SLC20A2: variants seen among roughly 807,000 people sequenced by gnomAD.
SLC20A2 encodes the protein solute carrier family 20 member 2.
Under a neutral mutation model 61.0 loss-of-function variants are expected in SLC20A2, and 30 were observed. The observed-to-expected ratio is 0.49, with a 90% CI of 0.37 to 0.67. The LOEUF is 0.67. Among genes scored for constraint, SLC20A2 ranks in the 30% least tolerant of loss-of-function variants. The pLI is 0.00. For missense variants in SLC20A2, 626 were observed against 866.4 expected (o/e 0.72, Z 3.48); for synonymous variants, 351 against 353.3 (o/e 0.99, Z 0.07).
chr8:42,524,088 C>T (rs1405888741), intron 1 of SLC20A2, among the ~76,000 whole-genome samples: 2 of 152,210 alleles, frequency 1.3e-5, no homozygotes, highest in Non-Finnish European at 1.5e-5. Flanking sequence ...CCAGGCCATT[C>T]TGCTGGTGGA....
At chr8:42,532,726 G>A (rs532753727) in intron 1 of SLC20A2, among the ~76,000 whole-genome samples, 2 of 152,298 alleles carry the variant, frequency 1.3e-5, no homozygotes, top group African/African-American at 2.4e-5. Context: ...ATGTGGAGAC[G>A]AGAAGGAACC....
intron 1 of SLC20A2, among the ~76,000 whole-genome samples, chr8:42,509,076 A>G (rs1425156376): frequency 1.3e-5 from 2 of 152,192 alleles, no homozygotes; most frequent in Non-Finnish European, 2.9e-5. Context: ...TGAGTTTTTC[A>G]TTTGTAAAGT....
At position 42,472,596 on chromosome 8, in the gene SLC20A2, A is replaced by T. The variant is rs930699147; in HGVS notation, c.-206T>A. The T allele has an allele frequency of 1.6e-5, 9 of 552,496 alleles. No homozygotes were observed. The highest frequency in any genetic ancestry group is 2.9e-5 in the Non-Finnish European group (9 of 311,182). 34.2% of individuals were successfully genotyped at this position (552,496 alleles called of 1,614,324 possible). ...ACAGTTCATTTGGTTGTGTTCAGTC[A>T]GCGGTAAAACACATTCCATATTTTT... On this transcript the variant is annotated 5_prime_UTR_variant, in exon 2 of 11. Transcript: ENST00000520262. This position sits in a 1 kb window ranked among gnomAD's most constrained non-coding sequence, Gnocchi z 4.1.
At chr8:42,491,197 A>G (rs922303830) in intron 1 of SLC20A2, among the ~76,000 whole-genome samples, 1 of 152,030 alleles carries the variant, frequency 6.6e-6, no homozygotes, top group Non-Finnish European at 1.5e-5. Flanking sequence ...GTCAGGAGTT[A>G]GAGACCAGCC....
At chr8:42,476,937 C>T (rs1044614474) in intron 1 of SLC20A2, among the ~76,000 whole-genome samples, 3 of 152,218 alleles carry the variant, frequency 2.0e-5, no homozygotes, top group Non-Finnish European at 4.4e-5. Flanking sequence ...CAATGACTCA[C>T]CTGAACCGTG....
At chr8:42,504,544 C>T (rs1393351526), upstream of SLC20A2, among the ~76,000 whole-genome samples, 1 of 151,890 alleles carries the variant, frequency 6.6e-6, no homozygotes, top group African/African-American at 2.4e-5. Context: ...GTTATAAAAT[C>T]ATATAATAAA....
intron 1 of SLC20A2, among the ~76,000 whole-genome samples, chr8:42,478,500 C>A (rs184118815): frequency 6.6e-6 from 1 of 152,242 alleles, no homozygotes; most frequent in African/African-American, 2.4e-5. Context: ...CATGAGCCAC[C>A]GTGCCCAGCC....
intron 1 of SLC20A2, among the ~76,000 whole-genome samples, chr8:42,491,401 A>C (rs927488284): frequency 6.6e-6 from 1 of 152,030 alleles, no homozygotes; most frequent in Non-Finnish European, 1.5e-5. Context: ...GCTACTCAAG[A>C]GGCTAAGGCA....
intron 3 of SLC20A2, 183 bp from the exon 4 acceptor site, chr8:42,463,273 A>G (rs1806854683): frequency 2.1e-6 from 1 of 478,452 alleles, no homozygotes; most frequent in Non-Finnish European, 3.7e-6. Flanking sequence ...TCACACATTT[A>G]TGGCCACACT....
At chr8:42,440,745 T>C (rs1804708397) in intron 6 of SLC20A2, among the ~76,000 whole-genome samples, 1 of 152,236 alleles carries the variant, frequency 6.6e-6, no homozygotes, top group Non-Finnish European at 1.5e-5. Flanking sequence ...TTCCAGTTCC[T>C]CTTCATTCTT....
intron 1 of SLC20A2, among the ~76,000 whole-genome samples, chr8:42,487,503 T>C (rs1410722887): frequency 6.6e-6 from 1 of 152,170 alleles, no homozygotes; most frequent in Non-Finnish European, 1.5e-5. Context: ...AATACTGTTT[T>C]CTGCTTTCTG....
intron 4 of SLC20A2, among the ~76,000 whole-genome samples, chr8:42,462,271 G>T (rs190076377): frequency 7.9e-5 from 12 of 152,234 alleles, no homozygotes; most frequent in African/African-American, 2.4e-4. Context: ...AACGGTGAGG[G>T]CAAGTTGGTG....
chr8:42,471,279 G>T (rs970241582), intron 2 of SLC20A2: 1 of 454,566 alleles, frequency 2.2e-6, no homozygotes, highest in Non-Finnish European at 4.4e-6. Context: ...CTGTCGTAGC[G>T]AGGGCAGTGA....
intron 5 of SLC20A2, among the ~76,000 whole-genome samples, chr8:42,447,822 T>TG (rs1162774208): frequency 6.6e-6 from 1 of 152,238 alleles, no homozygotes; most frequent in Non-Finnish European, 1.5e-5. Flanking sequence ...CTAAGGTCAC[T>TG]GGGGGAGGAC....
chr8:42,485,672 A>G (rs1269450611), intron 1 of SLC20A2, among the ~76,000 whole-genome samples: 1 of 146,724 alleles, frequency 6.8e-6, no homozygotes, highest in African/African-American at 2.5e-5. Context: ...AAAAGGCCAG[A>G]TGCGGTGGCT....
chr8:42,496,051 G>GTGGC (rs1809906690), intron 1 of SLC20A2, among the ~76,000 whole-genome samples: 1 of 152,180 alleles, frequency 6.6e-6, no homozygotes, highest in African/African-American at 2.4e-5. Flanking sequence ...CACCCGGCCA[G>GTGGC]ATCCCATTTT....
intron 1 of SLC20A2, among the ~76,000 whole-genome samples, chr8:42,483,829 T>C (rs1174428763): frequency 6.6e-6 from 1 of 152,212 alleles, no homozygotes; most frequent in Non-Finnish European, 1.5e-5. Context: ...CCAAGAGCTA[T>C]ATTAGGAAAA....
At chr8:42,438,462 A>G (rs1804519040) in intron 7 of SLC20A2, among the ~76,000 whole-genome samples, 1 of 152,122 alleles carries the variant, frequency 6.6e-6, no homozygotes, top group Non-Finnish European at 1.5e-5. Flanking sequence ...GTGCACCATC[A>G]TCCAGGCTAA....
intron 10 of SLC20A2, chr8:42,419,745 C>T (rs1802917391): frequency 1.1e-6 from 1 of 876,396 alleles, no homozygotes; most frequent in Admixed American, 6.2e-5. Flanking sequence ...AATATCAGCA[C>T]ATGATATCAT....
Sources: allele counts gnomAD v4.1 joint callset (sites outside exome capture counted in the v4.1 genomes callset), GRCh38; gene constraint gnomAD v4.1.1; non-coding constraint Gnocchi (gnomAD v3.1); transcripts MANE v1.5; gene names NCBI Gene and HGNC (gene_info 2026-07-23, HGNC 2026-07-21).